Variants in NALCN observed in about 807,000 individuals in gnomAD.
NALCN encodes the protein sodium leak channel NALCN.
In NALCN, 111 loss-of-function variants were observed where a neutral mutation model predicts 225.3. That is an observed-to-expected ratio of 0.49 (90% CI 0.42 to 0.58). NALCN has a LOEUF of 0.58. NALCN is among the 20% of genes least tolerant of loss of function. The pLI is 0.00. For missense variants in NALCN, 1,378 were observed against 2,202.4 expected (o/e 0.63, Z 7.49); for synonymous variants, 764 against 769.0 (o/e 0.99, Z 0.11).
chr13:101,161,746 C>T (rs1486714404), intron 15 of NALCN, among the ~76,000 whole-genome samples: 1 of 152,196 alleles, frequency 6.6e-6, no homozygotes, highest in Admixed American at 6.5e-5. Context: ...GTGGCGCACG[C>T]CTGTAATCCC....
rs191408772 is a variant in NALCN at position 101,255,439 on chromosome 13, C to A, written c.1266+3004G>T. Among the ~76,000 whole-genome samples the A allele has an allele frequency of 8.7e-5, 10 of 114,450 alleles. No individual in the cohort carries two copies. In the East Asian group the frequency reaches 3.1e-3, roughly 35 times the overall value. The allele number at this position is 114,450 out of a possible 152,430, so 75.1% of individuals were successfully genotyped here. A position where few individuals can be genotyped will look rare whatever the true frequency, so the allele number is the denominator to read the frequency against. On this transcript the variant is annotated intron_variant, in intron 11 of 43. Coordinates refer to ENST00000251127, the MANE Select transcript of NALCN (RefSeq NM_052867.4). ...ATGCTCCAGGACTGATTTAGTGTGA[C>A]CACCTGCCCACCCTGTGCTAGATCA...
chr13:101,353,566 C>T (rs80192670), intron 6 of NALCN, among the ~76,000 whole-genome samples: 4,917 of 152,218 alleles, frequency 0.032, 271 homozygotes, highest in African/African-American at 0.11. Flanking sequence ...TCAATGGCTC[C>T]GCCTGGACTT....
intron 16 of NALCN, among the ~76,000 whole-genome samples, chr13:101,143,875 G>T (rs915119606): frequency 6.6e-6 from 1 of 152,182 alleles, no homozygotes; most frequent in Non-Finnish European, 1.5e-5. Flanking sequence ...GACTAAGAGA[G>T]AATTTTACAT....
intron 18 of NALCN, among the ~76,000 whole-genome samples, chr13:101,112,696 C>T (rs1269146838): frequency 6.6e-6 from 1 of 152,178 alleles, no homozygotes; most frequent in Middle Eastern, 3.2e-3. Flanking sequence ...CACCTGAACA[C>T]ACAATTCTGC....
intron 16 of NALCN, among the ~76,000 whole-genome samples, chr13:101,144,230 G>C (rs2037230345): frequency 6.6e-6 from 1 of 152,126 alleles, no homozygotes; most frequent in South Asian, 2.1e-4. Flanking sequence ...AATCAAATCA[G>C]TATGAGTGGA....
At chr13:101,071,018 C>G (rs556258736) in intron 37 of NALCN, among the ~76,000 whole-genome samples, 1 of 152,244 alleles carries the variant, frequency 6.6e-6, no homozygotes, top group South Asian at 2.1e-4. Flanking sequence ...ACCATCAGAT[C>G]TCATGACGGC....
chr13:101,102,460 A>G (rs926966867), intron 26 of NALCN, among the ~76,000 whole-genome samples: 23 of 152,192 alleles, frequency 1.5e-4, no homozygotes, highest in African/African-American at 5.3e-4. Context: ...CTCATGCACA[A>G]GCAGACCTCA....
intron 30 of NALCN, among the ~76,000 whole-genome samples, chr13:101,088,935 G>T (rs2139543549): frequency 6.8e-6 from 1 of 146,044 alleles, no homozygotes; most frequent in African/African-American, 2.6e-5. Context: ...GTCTCGCTCT[G>T]TTGCTCAGGC....
intron 13 of NALCN, among the ~76,000 whole-genome samples, chr13:101,199,621 G>A (rs888357124): frequency 1.5e-5 from 2 of 134,574 alleles, no homozygotes; most frequent in African/African-American, 2.8e-5. Flanking sequence ...GACACAGGAA[G>A]GGGAACATCA....
chr13:101,071,965 G>A (rs1169205345), intron 37 of NALCN, among the ~76,000 whole-genome samples: 1 of 152,080 alleles, frequency 6.6e-6, no homozygotes, highest in African/African-American at 2.4e-5. Flanking sequence ...ACATAGGGAG[G>A]CCCAAGAAAA....
At chr13:101,365,558 C>T (rs966711349) in intron 6 of NALCN, among the ~76,000 whole-genome samples, 1 of 146,030 alleles carries the variant, frequency 6.8e-6, no homozygotes, top group Non-Finnish European at 1.5e-5. Context: ...GTATTTGGAC[C>T]AGCAAGAGCA....
At chr13:101,214,971 T>C (rs2040672935) in intron 13 of NALCN, among the ~76,000 whole-genome samples, 1 of 152,112 alleles carries the variant, frequency 6.6e-6, no homozygotes, top group Admixed American at 6.6e-5. Context: ...AATAGATTGG[T>C]CAATAAATGG....
chr13:101,375,400 C>A (rs1463529476), intron 6 of NALCN, among the ~76,000 whole-genome samples: 2 of 152,158 alleles, frequency 1.3e-5, no homozygotes, highest in African/African-American at 4.8e-5. Context: ...CCAAGCTTAT[C>A]ATGATGTCTA....
At chr13:101,158,892 CT>C (rs2038033470) in intron 15 of NALCN, among the ~76,000 whole-genome samples, 1 of 152,164 alleles carries the variant, frequency 6.6e-6, no homozygotes, top group South Asian at 2.1e-4. Context: ...CTTATTTCAT[CT>C]GGGGGAGTGT....
chr13:101,228,458 T>C (rs915171325), intron 13 of NALCN, among the ~76,000 whole-genome samples: 25 of 152,280 alleles, frequency 1.6e-4, no homozygotes, highest in Middle Eastern at 3.4e-3. Flanking sequence ...TGTGAGATAA[T>C]TGAATCATGG....
At chr13:101,207,439 A>C (rs2140062083) in intron 13 of NALCN, among the ~76,000 whole-genome samples, 1 of 152,318 alleles carries the variant, frequency 6.6e-6, no homozygotes, top group East Asian at 1.9e-4. Flanking sequence ...TTATTCTGTT[A>C]GGCTTAGGTG....
rs1225841805 is a variant in NALCN, at chr13:101,104,547, G to A, written c.2740C>T (p.His914Tyr). 1 of 1,614,016 alleles carries A rather than the reference G, an allele frequency of 6.2e-7. No individual in the cohort carries two copies. Among genetic ancestry groups the A allele is most frequent in the Non-Finnish European group, 8.5e-7 (1 of 1,179,914 alleles). Residue 914 changes from histidine (H) to tyrosine (Y), a missense_variant, in exon 24 of 44, where the codon CAT becomes TAT. This residue lies in a region of NALCN where 292 missense variants were observed against 409.5 expected (regional missense o/e 0.71). Transcript: ENST00000251127. This position sits in a 1 kb window ranked among gnomAD's most constrained non-coding sequence, Gnocchi z 4.2. ...MFESPFRRVMHAPTLQIAEYV... is the reference protein window; with the variant it reads ...MFESPFRRVMYAPTLQIAEYV... Reference sequence around the variant, plus strand: ...AGCGGTACCTGCAAAGTAGGTGCATGCATGACTCTTCGAAACGGGGACTCA... The same window carrying A: ...AGCGGTACCTGCAAAGTAGGTGCATACATGACTCTTCGAAACGGGGACTCA...
rs115164811 is a variant in NALCN at position 101,382,623 on chromosome 13, A to C, written c.292-3970T>G. Reference sequence around the variant, plus strand: ...TGGCCCACACTACATTTCAAACTATATAAAATAATGAATTATTTTAAATCA... The same window carrying C: ...TGGCCCACACTACATTTCAAACTATCTAAAATAATGAATTATTTTAAATCA... On this transcript the variant is annotated intron_variant, in intron 3 of 43. Coordinates refer to ENST00000251127, the MANE Select transcript of NALCN (RefSeq NM_052867.4). Among the ~76,000 whole-genome samples the C allele has an allele frequency of 3.4e-3, 514 of 152,312 alleles. 2 individuals carry two copies. The highest frequency in any genetic ancestry group is 0.012 in the African/African-American group (483 of 41,574).
intron 15 of NALCN, among the ~76,000 whole-genome samples, chr13:101,164,888 CAA>C (rs1391446685): frequency 6.6e-6 from 1 of 152,128 alleles, no homozygotes; most frequent in Non-Finnish European, 1.5e-5. Context: ...AAACTGACCT[CAA>C]AAGAGTCATC....
Sources: allele counts gnomAD v4.1 joint callset (sites outside exome capture counted in the v4.1 genomes callset), GRCh38; gene constraint gnomAD v4.1.1; regional missense constraint gnomAD v4.1.1; non-coding constraint Gnocchi (gnomAD v3.1); transcripts MANE v1.5; gene names NCBI Gene and HGNC (gene_info 2026-07-23, HGNC 2026-07-21).